The following UBQLN4 variants were observed in gnomAD, a reference collection of about 807,000 sequenced individuals.
The protein encoded by UBQLN4 is ubiquilin 4.
UBQLN4 carries 11 observed loss-of-function variants against 60.4 expected under a neutral mutation model. The observed-to-expected ratio is 0.18, with a 90% confidence interval of 0.11 to 0.30. The LOEUF (loss-of-function observed/expected upper bound fraction) is 0.30. UBQLN4 is among the 10% of genes least tolerant of loss of function. UBQLN4 has a pLI of 1.00. For synonymous variants in UBQLN4, 258 were observed against 313.1 expected, an observed-to-expected ratio of 0.82 and a Z score of 1.86; for missense variants, 417 against 795.5, an observed-to-expected ratio of 0.52 and a Z score of 5.72.
chr1:156,048,429 G>C lies in UBQLN4; in HGVS notation c.900+72C>G, dbSNP rs1031340906. 78 of 1,520,492 alleles carry C rather than the reference G, an allele frequency of 5.1e-5. No individual in the cohort carries two copies. Among genetic ancestry groups the C allele is most frequent in the Non-Finnish European group, 6.8e-5 (76 of 1,123,808 alleles). The allele number at this position is 1,520,492 out of a possible 1,614,324, so 94.2% of individuals were successfully genotyped here. On this transcript the variant is annotated intron_variant, in intron 5 of 10. Transcript: ENST00000368309. This position sits in a 1 kb window ranked among gnomAD's most constrained non-coding sequence, Gnocchi z 4.9. Reference sequence around the variant, plus strand: ...GGGAAAGAAAGAAGAGCAGGCCCAGGTTTGCCTGGGGTGGGGGTAGGGAAT... The same window carrying C: ...GGGAAAGAAAGAAGAGCAGGCCCAGCTTTGCCTGGGGTGGGGGTAGGGAAT...
rs772711862 is a variant in UBQLN4 at position 156,050,438 on chromosome 1, C to A, written c.594G>T (p.Gln198His). 2.5e-6 allele frequency: 4 copies of A among 1,614,010 alleles called. No homozygotes were observed. The highest frequency in any genetic ancestry group is 2.5e-6 in the Non-Finnish European group (3 of 1,180,022). The change falls in exon 4 of 11, where the codon CAG becomes CAT. Residue 198 changes from glutamine to histidine, a missense_variant. Gln to His is a conservative substitution (Grantham distance 24). Transcript: ENST00000368309. This position sits in a 1 kb window ranked among gnomAD's most constrained non-coding sequence, Gnocchi z 4.6. ...QLMSNPEMLS[Q>H]IMENPLVQDM... ...CCTGGACCAGGGGGTTCTCCATGAT[C>A]TGTGACAGCATCTCAGGATTGGACA... is the stretch of plus-strand genomic sequence containing the variant.
At chr1:156,041,286 T>C (rs1432953039) in intron 10 of UBQLN4, among the ~76,000 whole-genome samples, 199 bp downstream of exon 10, 1 of 152,196 alleles carries the variant, frequency 6.6e-6, no homozygotes, top group East Asian at 1.9e-4. Flanking sequence ...CACGGGTAAG[T>C]ACCATTACTC....
chr1:156,040,877 G>A (rs1683544362), intron 10 of UBQLN4, among the ~76,000 whole-genome samples: 1 of 152,192 alleles, frequency 6.6e-6, no homozygotes. Flanking sequence ...GAGTCACAGA[G>A]GTCAGAGAAA....
chr1:156,048,562 T>C lies in UBQLN4; in HGVS notation c.839A>G (p.Asn280Ser), dbSNP rs771307070. The part of the protein sequence containing the change: ...SNLESIPGGY[N>S]ALRRMYTDIQ... ...GTCCGTGTACATGCGGCGGAGGGCA[T>C]TATACCCTCCAGGGATGCTCTCAAG... is the stretch of plus-strand genomic sequence containing the variant. The change falls in exon 5 of 11, where the codon AAT becomes AGT. Residue 280 changes from asparagine (N) to serine (S), a missense_variant. Coordinates refer to ENST00000368309, the MANE Select transcript of UBQLN4 (RefSeq NM_020131.5). This position sits in a 1 kb window ranked among gnomAD's most constrained non-coding sequence, Gnocchi z 4.9. 6 of 1,613,926 alleles carry C rather than the reference T, an allele frequency of 3.7e-6. No homozygotes were observed. The highest frequency in any genetic ancestry group is 5.1e-6 in the Non-Finnish European group (6 of 1,179,872).
At position 156,048,773 on chromosome 1, in the gene UBQLN4, A is replaced by T; in HGVS notation, c.742-114T>A. 1 of 1,201,074 alleles carries T rather than the reference A, an allele frequency of 8.3e-7. No homozygotes were observed. The highest frequency in any genetic ancestry group is 1.2e-6 in the Non-Finnish European group (1 of 860,778). 74.4% of individuals were successfully genotyped at this position (1,201,074 alleles called of 1,614,324 possible). A position where few individuals can be genotyped will look rare whatever the true frequency, so the allele number is the denominator to read the frequency against. ...ATCAGGATCAGGACCAGGGCCCAGG[A>T]ACTGCCCCACAGTGACAGGGAGTAG... On this transcript the variant is annotated intron_variant, in intron 4 of 10. Coordinates refer to ENST00000368309, the MANE Select transcript of UBQLN4 (RefSeq NM_020131.5). This position sits in a 1 kb window ranked among gnomAD's most constrained non-coding sequence, Gnocchi z 4.9.
At chr1:156,031,277 T>C (rs1683293136), downstream of UBQLN4, among the ~76,000 whole-genome samples, 1 of 152,226 alleles carries the variant, frequency 6.6e-6, no homozygotes, top group Admixed American at 6.5e-5. Flanking sequence ...TATTGAGTAC[T>C]TACCACATGG....
chr1:156,046,305 T>G (rs575395298), intron 5 of UBQLN4, among the ~76,000 whole-genome samples: 37 of 138,550 alleles, frequency 2.7e-4, no homozygotes, highest in African/African-American at 9.2e-4. Context: ...CTGGCCAACA[T>G]GGTGAAACCC....
chr1:156,031,577 C>CT (rs58222507), downstream of UBQLN4, among the ~76,000 whole-genome samples: 3,010 of 122,684 alleles, frequency 0.025, 45 homozygotes, highest in South Asian at 0.043. Context: ...GGAACTTCTT[C>CT]TTTTTTTTTT....
Position 156,036,549 on chromosome 1 carries a change from G to C in UBQLN4, c.*429C>G, listed in dbSNP as rs1683409121. The C allele has an allele frequency of 8.1e-6, 8 of 987,990 alleles. No individual in the cohort carries two copies. The highest frequency in any genetic ancestry group is 9.6e-6 in the Non-Finnish European group (8 of 831,490). 61.2% of individuals were successfully genotyped at this position (987,990 alleles called of 1,614,324 possible). ...TGGGCTAGGGGTTGGGGGGTAGGGA[G>C]AAAAAGAAGGAAGAGAGTTACCAAA... On this transcript the variant is annotated 3_prime_UTR_variant, in exon 11 of 11. Transcript: ENST00000368309.
In UBQLN4 at chr1:156,036,315, C is replaced by T. The variant is rs1164905635; in HGVS notation, c.*663G>A. On this transcript the variant is annotated 3_prime_UTR_variant, in exon 11 of 11. Coordinates refer to ENST00000368309, the MANE Select transcript of UBQLN4 (RefSeq NM_020131.5). ...CCCTCCTCTTTCACACGAATTTCCT[C>T]TGGGCTGCTCCAGCGTTTGTTAATT... 1.0e-6 allele frequency: 1 copy of T among 985,654 alleles called. No individual in the cohort carries two copies. The highest frequency in any genetic ancestry group is 1.2e-6 in the Non-Finnish European group (1 of 830,014). 61.1% of individuals were successfully genotyped at this position (985,654 alleles called of 1,614,324 possible). A position where few individuals can be genotyped will look rare whatever the true frequency, so the allele number is the denominator to read the frequency against.
Position 156,048,616 on chromosome 1 carries a change from A to G in UBQLN4, c.785T>C (p.Met262Thr). 1.2e-6 allele frequency: 2 copies of G among 1,614,070 alleles called. No homozygotes were observed. Among genetic ancestry groups the G allele is most frequent in the Non-Finnish European group, 1.7e-6 (2 of 1,179,940 alleles). Residue 262 changes from methionine to threonine, a missense_variant, in exon 5 of 11, where the codon ATG (methionine) becomes ACG (threonine). Transcript: ENST00000368309. The surrounding 1 kb of genome is among the most constrained non-coding windows in gnomAD (Gnocchi z 4.9). ...ARNPAMMQEM[M>T]RNQDRALSNL... ...GCTCAGGGCCCGGTCCTGGTTCCGCATCATCTCTTGCATCATGGCTGGATT... is the reference window on the plus strand; with the variant it reads ...GCTCAGGGCCCGGTCCTGGTTCCGCGTCATCTCTTGCATCATGGCTGGATT...
downstream of UBQLN4, among the ~76,000 whole-genome samples, chr1:156,034,669 T>G (rs1445955097): frequency 6.6e-6 from 1 of 150,900 alleles, no homozygotes; most frequent in East Asian, 1.9e-4. Flanking sequence ...GCAATAATCT[T>G]ACAATTCAGT....
chr1:156,044,974 G>T (rs1326848412), intron 5 of UBQLN4, among the ~76,000 whole-genome samples: 1 of 152,068 alleles, frequency 6.6e-6, no homozygotes, highest in African/African-American at 2.4e-5. Flanking sequence ...TGCTCCCCAG[G>T]ATATCTCAGG....
At position 156,048,770 on chromosome 1, in the gene UBQLN4, AG is replaced by A; in HGVS notation, c.742-112del. The A allele has an allele frequency of 8.2e-7, 1 of 1,220,064 alleles. No individual in the cohort carries two copies. Among genetic ancestry groups the A allele is most frequent in the Non-Finnish European group, 1.1e-6 (1 of 876,262 alleles). 75.6% of individuals were successfully genotyped at this position (1,220,064 alleles called of 1,614,324 possible). The stretch of plus-strand genomic sequence containing the variant: ...TGTATCAGGATCAGGACCAGGGCCC[AG>A]GAACTGCCCCACAGTGACAGGGAGT... On this transcript the variant is annotated intron_variant, in intron 4 of 10. Transcript: ENST00000368309. The surrounding 1 kb of genome is among the most constrained non-coding windows in gnomAD (Gnocchi z 4.9).
intron 6 of UBQLN4, among the ~76,000 whole-genome samples, chr1:156,043,362 T>C (rs1266256928): frequency 6.6e-6 from 1 of 152,190 alleles, no homozygotes. Flanking sequence ...CATTGGGTCC[T>C]TCCTCATCCT....
At position 156,048,785 on chromosome 1, in the gene UBQLN4, G is replaced by T; in HGVS notation, c.742-126C>A. ...ACCAGGGCCCAGGAACTGCCCCACAGTGACAGGGAGTAGAGTAAACTGGAC... is the reference window on the plus strand; with the variant it reads ...ACCAGGGCCCAGGAACTGCCCCACATTGACAGGGAGTAGAGTAAACTGGAC... On this transcript the variant is annotated intron_variant, in intron 4 of 10. Transcript: ENST00000368309. The surrounding 1 kb of genome is among the most constrained non-coding windows in gnomAD (Gnocchi z 4.9). 1 of 1,028,852 alleles carries T rather than the reference G, an allele frequency of 9.7e-7. No homozygotes were observed. The highest frequency in any genetic ancestry group is 1.4e-6 in the Non-Finnish European group (1 of 712,920). The allele number at this position is 1,028,852 out of a possible 1,614,324, so 63.7% of individuals were successfully genotyped here.
Position 156,051,042 on chromosome 1 carries a change from C to T in UBQLN4, c.478+68G>A, listed in dbSNP as rs555686199. On this transcript the variant is annotated intron_variant, in intron 3 of 10. Transcript: ENST00000368309. ...ACCAGGAGCAGGAACTCCTGTTTCT[C>T]CCTCCTCTTGGCTTTCCCCAACTCC... The T allele has an allele frequency of 7.8e-5, 115 of 1,480,896 alleles. No individual in the cohort carries two copies. In the African/African-American group the frequency reaches 1.4e-3, roughly 18 times the overall value. 91.7% of individuals were successfully genotyped at this position (1,480,896 alleles called of 1,614,324 possible). A position where few individuals can be genotyped will look rare whatever the true frequency, so the allele number is the denominator to read the frequency against.
At chr1:156,045,827 T>C (rs1394520002) in intron 5 of UBQLN4, among the ~76,000 whole-genome samples, 2 of 152,240 alleles carry the variant, frequency 1.3e-5, no homozygotes, top group African/African-American at 2.4e-5. Flanking sequence ...TTCAAAATAA[T>C]GTTATTTATG....
chr1:156,033,379 T>C (rs966491395), downstream of UBQLN4: 1 of 717,464 alleles, frequency 1.4e-6, no homozygotes, highest in Non-Finnish European at 1.7e-6. Context: ...TCCAGGTTTT[T>C]TTTGTTTTGT....
Sources: gnomAD v4.1 joint callset for allele counts (sites outside exome capture counted in the v4.1 genomes callset) on GRCh38, gnomAD v4.1.1 for gene constraint, Gnocchi (gnomAD v3.1) non-coding constraint, MANE v1.5 for transcripts, NCBI Gene and HGNC (gene_info 2026-07-23, HGNC 2026-07-21) for gene names.